Variants in UBE4B observed in about 807,000 individuals in gnomAD.
The protein encoded by UBE4B is ubiquitination factor E4B.
A neutral mutation model predicts 148.1 loss-of-function variants in UBE4B; 27 were observed. That is an observed-to-expected ratio of 0.18 (90% confidence interval 0.13 to 0.25). The LOEUF (loss-of-function observed/expected upper bound fraction) is 0.25, where lower values mean the gene tolerates loss of function less well. Ranked by LOEUF, UBE4B falls within the 10% of genes least tolerant of loss-of-function variation. The pLI is 1.00. For missense variants in UBE4B, 1,170 were observed against 1,662.4 expected (o/e 0.70, Z 5.15); for synonymous variants, 596 against 619.3 (o/e 0.96, Z 0.56).
intron 1 of UBE4B, among the ~76,000 whole-genome samples, chr1:10,040,212 C>T (rs1377629116): frequency 6.6e-6 from 1 of 151,574 alleles, no homozygotes; most frequent in African/African-American, 2.4e-5. Context: ...GCAACCTCTG[C>T]CCCCTGGGTT....
rs774346685 is a variant in UBE4B, at chr1:10,132,437, C to T, written c.1980C>T (p.Tyr660=). ...NGETREAALS[Y]MAAVVNANMK... is the part of the protein sequence containing the mutation. ...AAACCCGTGAGGCTGCTCTCAGTTACATGGCGGCTGTCGTCAATGCCAATA... is the reference window on the plus strand; with the variant it reads ...AAACCCGTGAGGCTGCTCTCAGTTATATGGCGGCTGTCGTCAATGCCAATA... The change falls in exon 15 of 28, where the codon TAC becomes TAT. Residue 660 remains tyrosine (Y), a synonymous_variant. Transcript: ENST00000343090. The T allele has an allele frequency of 1.3e-4, 202 of 1,614,086 alleles. No homozygotes were observed. The highest frequency in any genetic ancestry group is 1.6e-4 in the Non-Finnish European group (194 of 1,180,048).
chr1:10,048,574 G>A (rs1047147705), intron 1 of UBE4B, among the ~76,000 whole-genome samples: 1 of 152,162 alleles, frequency 6.6e-6, no homozygotes, highest in African/African-American at 2.4e-5. Flanking sequence ...TGAGGTTGGA[G>A]GACAGTCTAG....
At chr1:10,039,003 T>C (rs1368454323) in intron 1 of UBE4B, among the ~76,000 whole-genome samples, 1 of 151,940 alleles carries the variant, frequency 6.6e-6, no homozygotes, top group Non-Finnish European at 1.5e-5. Context: ...GAGGTTGCAG[T>C]GAGCCGAGAT....
intron 1 of UBE4B, among the ~76,000 whole-genome samples, chr1:10,068,985 C>T (rs1302316578): frequency 6.6e-6 from 1 of 152,226 alleles, no homozygotes; most frequent in Non-Finnish European, 1.5e-5. Flanking sequence ...ATGGACCTGC[C>T]TCTGTCTCTT....
chr1:10,180,224 C>A lies in UBE4B; in HGVS notation c.*268C>A. ...TGCTTGTGTAATAAAGCATGTCCTT[C>A]GTATGTCACAGTTTGGGGCAACGGA... is the stretch of plus-strand genomic sequence containing the variant. On this transcript the variant is annotated 3_prime_UTR_variant, in exon 28 of 28. Coordinates refer to ENST00000343090, the MANE Select transcript of UBE4B (RefSeq NM_001105562.3). 1 of 485,532 alleles carries A rather than the reference C, an allele frequency of 2.1e-6. No individual in the cohort carries two copies. 30.1% of individuals were successfully genotyped at this position (485,532 alleles called of 1,614,324 possible).
intron 1 of UBE4B, among the ~76,000 whole-genome samples, chr1:10,053,482 AT>A (rs1360226422): frequency 2.9e-5 from 4 of 135,706 alleles, no homozygotes; most frequent in African/African-American, 1.1e-4. Context: ...TTGAGATGGA[AT>A]TTTGCTCGTC....
intron 17 of UBE4B, among the ~76,000 whole-genome samples, chr1:10,138,570 A>G (rs529022783): frequency 2.0e-5 from 3 of 152,252 alleles, no homozygotes; most frequent in East Asian, 1.9e-4. Context: ...TAACTCTGCA[A>G]ATTCTTTATG....
At chr1:10,050,344 T>G (rs1392685938) in intron 1 of UBE4B, among the ~76,000 whole-genome samples, 1 of 152,172 alleles carries the variant, frequency 6.6e-6, no homozygotes, top group Non-Finnish European at 1.5e-5. Flanking sequence ...AGTGTTGGGA[T>G]TACAGGTGTG....
intron 1 of UBE4B, among the ~76,000 whole-genome samples, chr1:10,052,432 C>T (rs1415406908): frequency 6.6e-6 from 1 of 152,088 alleles, no homozygotes; most frequent in Non-Finnish European, 1.5e-5. Context: ...CTTTAATGGA[C>T]GTTTTTGGGA....
intron 1 of UBE4B, among the ~76,000 whole-genome samples, chr1:10,062,147 A>G (rs1209795640): frequency 2.0e-5 from 3 of 151,596 alleles, no homozygotes; most frequent in Non-Finnish European, 4.4e-5. Flanking sequence ...TGACCTCGTG[A>G]TCCACCCACC....
chr1:10,159,621 C>G (rs962329662), intron 22 of UBE4B, among the ~76,000 whole-genome samples: 1 of 151,968 alleles, frequency 6.6e-6, no homozygotes, highest in African/African-American at 2.4e-5. Flanking sequence ...GGAGGCGGAG[C>G]TTGCAGTGAG....
chr1:10,087,333 A>G (rs1644782100), intron 2 of UBE4B, among the ~76,000 whole-genome samples: 1 of 152,178 alleles, frequency 6.6e-6, no homozygotes. Context: ...CAATGTACAG[A>G]AAAGTTATGA....
At chr1:10,070,865 G>A (rs1316186727) in intron 1 of UBE4B, among the ~76,000 whole-genome samples, 1 of 152,138 alleles carries the variant, frequency 6.6e-6, no homozygotes, top group Non-Finnish European at 1.5e-5. Context: ...TTGTGTCTTA[G>A]TGTAACTTTT....
intron 1 of UBE4B, among the ~76,000 whole-genome samples, chr1:10,034,838 C>G (rs1288581770): frequency 1.3e-5 from 2 of 152,180 alleles, no homozygotes; most frequent in African/African-American, 2.4e-5. Flanking sequence ...GATTGTGATA[C>G]TTGGATACTT....
At chr1:10,109,205 CG>C (rs1346107247) in intron 7 of UBE4B, among the ~76,000 whole-genome samples, 1 of 149,424 alleles carries the variant, frequency 6.7e-6, no homozygotes, top group African/African-American at 2.5e-5. Context: ...GCAGGGGGAA[CG>C]GGGGGGCCGG....
At chr1:10,084,822 C>T (rs548105030) in intron 2 of UBE4B, among the ~76,000 whole-genome samples, 3 of 151,844 alleles carry the variant, frequency 2.0e-5, no homozygotes, top group Admixed American at 6.6e-5. Context: ...CTTAGCCTCC[C>T]GAGTAGCTGG....
intron 21 of UBE4B, among the ~76,000 whole-genome samples, chr1:10,153,379 A>G (rs1381503746): frequency 6.6e-6 from 1 of 150,992 alleles, no homozygotes; most frequent in Non-Finnish European, 1.5e-5. Context: ...TGTCCCAGCT[A>G]CTAAGGAGGC....
intron 1 of UBE4B, among the ~76,000 whole-genome samples, chr1:10,070,971 G>T (rs570184702): frequency 2.6e-5 from 4 of 152,176 alleles, no homozygotes; most frequent in South Asian, 4.1e-4. Flanking sequence ...GAGTGCAGTG[G>T]TGCCATCTCA....
intron 1 of UBE4B, among the ~76,000 whole-genome samples, chr1:10,050,954 G>C (rs1644028493): frequency 6.6e-6 from 1 of 152,148 alleles, no homozygotes; most frequent in Non-Finnish European, 1.5e-5. Context: ...GATGAAAAAA[G>C]CCTCATTATC....
Sources: gnomAD v4.1 joint callset for allele counts (sites outside exome capture counted in the v4.1 genomes callset) on GRCh38, gnomAD v4.1.1 for gene constraint, MANE v1.5 for transcripts, NCBI Gene and HGNC (gene_info 2026-07-23, HGNC 2026-07-21) for gene names.